The following SGCZ variants were observed in gnomAD, a reference collection of about 807,000 sequenced individuals.
The protein encoded by SGCZ is sarcoglycan zeta.
SGCZ carries 40 observed loss-of-function variants against 41.3 expected under a neutral mutation model. That is an observed-to-expected ratio of 0.97 (90% CI 0.75 to 1.26). The LOEUF (loss-of-function observed/expected upper bound fraction) is 1.26. Among genes scored for constraint, SGCZ ranks in the 50% most tolerant of loss-of-function variants. The pLI is 0.00. For synonymous variants in SGCZ, 206 were observed against 137.5 expected, an observed-to-expected ratio of 1.50 and a Z score of -3.49; for missense variants, 552 against 369.8, an observed-to-expected ratio of 1.49 and a Z score of -4.04.
At chr8:14,553,042 A>T (rs950321813) in intron 2 of SGCZ, among the ~76,000 whole-genome samples, 3 of 152,004 alleles carry the variant, frequency 2.0e-5, no homozygotes, top group African/African-American at 4.8e-5. Flanking sequence ...TGAGGCTGAA[A>T]ATGTTTTCAG....
At chr8:14,463,856 G>C (rs568366652) in intron 2 of SGCZ, among the ~76,000 whole-genome samples, 5 of 150,482 alleles carry the variant, frequency 3.3e-5, no homozygotes, top group African/African-American at 1.2e-4. Flanking sequence ...ATGTTTGTTT[G>C]TTTCTGCATC....
chr8:15,230,410 A>G (rs1409509295), intron 1 of SGCZ, among the ~76,000 whole-genome samples: 1 of 152,170 alleles, frequency 6.6e-6, no homozygotes, highest in Non-Finnish European at 1.5e-5. Context: ...TTCTTATTCT[A>G]CTATCTGTTA....
chr8:14,296,918 G>A (rs922895241), intron 3 of SGCZ, among the ~76,000 whole-genome samples: 1 of 152,044 alleles, frequency 6.6e-6, no homozygotes, highest in Non-Finnish European at 1.5e-5. Flanking sequence ...ATTTTTAACT[G>A]AATAATTTTT....
At chr8:14,417,221 T>G (rs1799517842) in intron 2 of SGCZ, among the ~76,000 whole-genome samples, 1 of 151,916 alleles carries the variant, frequency 6.6e-6, no homozygotes, top group South Asian at 2.1e-4. Flanking sequence ...TAAGCGATCT[T>G]CAACTCAGTT....
intron 1 of SGCZ, among the ~76,000 whole-genome samples, chr8:14,664,225 T>C (rs553858399): frequency 1.3e-5 from 2 of 152,164 alleles, no homozygotes; most frequent in Non-Finnish European, 2.9e-5. Flanking sequence ...TTCCATTGCA[T>C]TGAGCACACA....
At chr8:14,418,986 T>C (rs1307282573) in intron 2 of SGCZ, among the ~76,000 whole-genome samples, 1 of 151,986 alleles carries the variant, frequency 6.6e-6, no homozygotes, top group African/African-American at 2.4e-5. Context: ...ACTAGCACTT[T>C]TGAATTCCCT....
At chr8:14,729,880 T>G (rs1013507883) in intron 1 of SGCZ, among the ~76,000 whole-genome samples, 2 of 152,152 alleles carry the variant, frequency 1.3e-5, no homozygotes, top group African/African-American at 4.8e-5. Context: ...AGGTCAGGAT[T>G]TCAGGACCAG....
At chr8:14,756,604 A>G (rs1421268231) in intron 1 of SGCZ, among the ~76,000 whole-genome samples, 1 of 152,220 alleles carries the variant, frequency 6.6e-6, no homozygotes, top group East Asian at 1.9e-4. Context: ...AAAAGAATAC[A>G]AGCTCCTCAA....
At chr8:14,555,461 A>G (rs956725755) in intron 1 of SGCZ, among the ~76,000 whole-genome samples, 7 of 152,040 alleles carry the variant, frequency 4.6e-5, no homozygotes, top group Non-Finnish European at 7.4e-5. Context: ...TGCTCCTGCC[A>G]TATAAGACGT....
intron 2 of SGCZ, among the ~76,000 whole-genome samples, chr8:14,330,645 T>A (rs1489518561): frequency 1.3e-5 from 2 of 152,030 alleles, no homozygotes; most frequent in Non-Finnish European, 2.9e-5. Context: ...ACATTTGAAA[T>A]TTAAAATCCA....
chr8:14,575,867 T>C (rs373617560), intron 1 of SGCZ, among the ~76,000 whole-genome samples: 4 of 138,908 alleles, frequency 2.9e-5, no homozygotes, highest in East Asian at 2.2e-4. Context: ...GAATGTGCCA[T>C]TGCACTCCAG....
At chr8:14,242,765 T>C (rs1441342622) in intron 3 of SGCZ, among the ~76,000 whole-genome samples, 8 of 152,180 alleles carry the variant, frequency 5.3e-5, no homozygotes, top group Admixed American at 4.6e-4. Context: ...ACAAGCCATG[T>C]TGGAACTCCA....
At chr8:14,199,617 A>C (rs920204706) in intron 4 of SGCZ, among the ~76,000 whole-genome samples, 4 of 151,916 alleles carry the variant, frequency 2.6e-5, no homozygotes, top group African/African-American at 7.3e-5. Flanking sequence ...CTGACGTGTG[A>C]TGTCTCCCCC....
chr8:14,091,742 T>C (rs149570142), intron 7 of SGCZ, among the ~76,000 whole-genome samples: 3 of 152,330 alleles, frequency 2.0e-5, no homozygotes, highest in Non-Finnish European at 4.4e-5. Flanking sequence ...GTTTGTCAGA[T>C]GGACAGATTG....
intron 2 of SGCZ, among the ~76,000 whole-genome samples, chr8:14,440,746 CATACGTATACACGTATATGTATATATGT>C (rs1800232332): frequency 6.9e-6 from 1 of 145,456 alleles, no homozygotes; most frequent in Non-Finnish European, 1.5e-5. Context: ...TATGTATATA[CATACGTATACACGTATATGTATATATGT>C]ATATACATAC....
At chr8:15,059,879 T>C (rs1425850310) in intron 1 of SGCZ, among the ~76,000 whole-genome samples, 1 of 152,200 alleles carries the variant, frequency 6.6e-6, no homozygotes, top group Non-Finnish European at 1.5e-5. Context: ...TTTTCTTTCT[T>C]ACCACTGACC....
At chr8:14,489,243 G>C (rs902152685) in intron 2 of SGCZ, among the ~76,000 whole-genome samples, 3 of 151,942 alleles carry the variant, frequency 2.0e-5, no homozygotes, top group Admixed American at 6.6e-5. Flanking sequence ...ACAACGATTT[G>C]TAAAAATTAA....
At chr8:14,348,927 T>C (rs1230937851) in intron 2 of SGCZ, among the ~76,000 whole-genome samples, 1 of 152,164 alleles carries the variant, frequency 6.6e-6, no homozygotes, top group Non-Finnish European at 1.5e-5. Context: ...ATGGAAAGTA[T>C]ATAGAATTTT....
chr8:14,330,354 A>T (rs550801203), intron 2 of SGCZ, among the ~76,000 whole-genome samples: 1 of 152,236 alleles, frequency 6.6e-6, no homozygotes, highest in African/African-American at 2.4e-5. Flanking sequence ...CCAAAACTAA[A>T]TTAATATGCT....
Sources: allele counts gnomAD v4.1 joint callset (sites outside exome capture counted in the v4.1 genomes callset), GRCh38; gene constraint gnomAD v4.1.1; transcripts MANE v1.5; gene names NCBI Gene and HGNC (gene_info 2026-07-23, HGNC 2026-07-21).